Variants in COL4A1 observed in about 807,000 individuals in gnomAD.
COL4A1 encodes the protein collagen alpha-1(IV) chain.
A neutral mutation model predicts 216.6 loss-of-function variants in COL4A1; 40 were observed. That is an observed-to-expected ratio of 0.18 (90% confidence interval 0.14 to 0.24). COL4A1 has a LOEUF of 0.24. Ranked by LOEUF, COL4A1 falls within the 10% of genes least tolerant of loss-of-function variation. The probability of loss-of-function intolerance (pLI) is 1.00; values close to 1 mark genes in which losing one functional copy is unlikely to be tolerated. For synonymous variants in COL4A1, 839 were observed against 810.7 expected (o/e 1.03, Z -0.59); for missense variants, 1,628 against 2,196.8 (o/e 0.74, Z 5.18).
rs558581058 is a variant in COL4A1 at position 110,212,033 on chromosome 13, T to G, written c.388-111A>C. 12 of 1,172,196 alleles carry G rather than the reference T, an allele frequency of 1.0e-5. No individual in the cohort carries two copies. In the East Asian group the frequency reaches 1.9e-4, roughly 18 times the overall value. The allele number at this position is 1,172,196 out of a possible 1,614,324, so 72.6% of individuals were successfully genotyped here. A position where few individuals can be genotyped will look rare whatever the true frequency, so the allele number is the denominator to read the frequency against. ...CCTTCATTTGTTGGTTAAAATCATTTCCTAAAAACAGTTTGTCACAAGCTG... is the reference window on the plus strand; with the variant it reads ...CCTTCATTTGTTGGTTAAAATCATTGCCTAAAAACAGTTTGTCACAAGCTG... On this transcript the variant is annotated intron_variant, in intron 6 of 51. Transcript: ENST00000375820.
chr13:110,244,440 T>C (rs942672693), intron 1 of COL4A1, among the ~76,000 whole-genome samples: 2 of 152,194 alleles, frequency 1.3e-5, no homozygotes, highest in African/African-American at 4.8e-5. Flanking sequence ...AATCAATCCA[T>C]GTGCACAGAT....
At chr13:110,218,546 T>C (rs1443746918) in intron 2 of COL4A1, among the ~76,000 whole-genome samples, 2 of 152,220 alleles carry the variant, frequency 1.3e-5, no homozygotes. Context: ...TTCATGGTGT[T>C]TGAATTCAAT....
chr13:110,302,206 T>C (rs931419577), intron 1 of COL4A1, among the ~76,000 whole-genome samples: 2 of 152,180 alleles, frequency 1.3e-5, no homozygotes, highest in Admixed American at 6.5e-5. Flanking sequence ...TCATAGTCTC[T>C]GGGCTCTGTA....
At chr13:110,212,183 T>G (rs1566378569) in intron 6 of COL4A1, among the ~76,000 whole-genome samples, 1 of 152,254 alleles carries the variant, frequency 6.6e-6, no homozygotes, top group African/African-American at 2.4e-5. Flanking sequence ...ACTTTCGTGC[T>G]TAAATGCAAT....
intron 1 of COL4A1, among the ~76,000 whole-genome samples, chr13:110,300,131 T>C (rs1337726924): frequency 6.6e-6 from 1 of 152,240 alleles, no homozygotes; most frequent in East Asian, 1.9e-4. Flanking sequence ...ATTAATATTG[T>C]TTATTTAATA....
chr13:110,291,519 G>T (rs1884088153), intron 1 of COL4A1, among the ~76,000 whole-genome samples: 3 of 152,126 alleles, frequency 2.0e-5, no homozygotes, highest in Non-Finnish European at 4.4e-5. Flanking sequence ...CTCTCCCATC[G>T]CCTTCTCAGC....
chr13:110,188,039 C>T (rs765777498), intron 24 of COL4A1, among the ~76,000 whole-genome samples: 5 of 152,210 alleles, frequency 3.3e-5, no homozygotes, highest in African/African-American at 7.2e-5. Context: ...CACACTAGAA[C>T]GTTGCTCAGT....
At chr13:110,254,737 T>G (rs1046277770) in intron 1 of COL4A1, among the ~76,000 whole-genome samples, 3 of 152,198 alleles carry the variant, frequency 2.0e-5, no homozygotes, top group Non-Finnish European at 4.4e-5. Context: ...AGATTTGGAA[T>G]GTAACCCAAA....
Position 110,187,252 on chromosome 13 carries a change from C to A in COL4A1, c.1614G>T (p.Arg538=), listed in dbSNP as rs1366055813. ...CTGGGTCTCCTTTGTCACCTTTGAG[C>A]CGCAAGTCGAAATAAAACTCACCAG... ...GEPGEFYFDL[R]LKGDKGDPGF... Residue 538 remains arginine, a synonymous_variant, in exon 25 of 52, where the codon CGG becomes CGT. Transcript: ENST00000375820. 2 of 1,613,724 alleles carry A rather than the reference C, an allele frequency of 1.2e-6. No individual in the cohort carries two copies. The highest frequency in any genetic ancestry group is 1.7e-6 in the Non-Finnish European group (2 of 1,179,918).
chr13:110,244,722 C>T (rs1291731045), intron 1 of COL4A1, among the ~76,000 whole-genome samples: 1 of 152,138 alleles, frequency 6.6e-6, no homozygotes, highest in Non-Finnish European at 1.5e-5. Context: ...TGTGTCTCCC[C>T]GGTACACCCT....
chr13:110,235,607 T>C (rs766934778), intron 2 of COL4A1, among the ~76,000 whole-genome samples: 26 of 143,994 alleles, frequency 1.8e-4, no homozygotes, highest in Non-Finnish European at 3.1e-4. Flanking sequence ...TGCAGTGAGC[T>C]GAGATGACGC....
In COL4A1 at chr13:110,162,316, T is replaced by A. The variant is rs1266161557; in HGVS notation, c.4376A>T (p.Gln1459Leu). ...TRHSQTIDDP[Q>L]CPSGTKILYH... ...AAGAATTTTGGTCCCAGAAGGACAC[T>A]GTGGGTCATCTATTGTTTGACTATG... Residue 1459 changes from glutamine to leucine, a missense_variant, in exon 48 of 52, where the codon CAG becomes CTG. Coordinates refer to ENST00000375820, the MANE Select transcript of COL4A1 (RefSeq NM_001845.6). 1.9e-6 allele frequency: 3 copies of A among 1,614,224 alleles called. No homozygotes were observed. The highest frequency in any genetic ancestry group is 2.5e-6 in the Non-Finnish European group (3 of 1,180,020).
intron 2 of COL4A1, among the ~76,000 whole-genome samples, chr13:110,222,446 T>C (rs989804030): frequency 2.6e-5 from 4 of 151,978 alleles, no homozygotes; most frequent in Non-Finnish European, 5.9e-5. Flanking sequence ...TTCCCCCAAA[T>C]AAACTAAACC....
intron 1 of COL4A1, among the ~76,000 whole-genome samples, chr13:110,282,511 A>G (rs748832652): frequency 1.3e-5 from 2 of 152,144 alleles, no homozygotes; most frequent in Non-Finnish European, 2.9e-5. Context: ...CACATCCTTT[A>G]GATTAGCAAT....
intron 1 of COL4A1, among the ~76,000 whole-genome samples, chr13:110,261,387 T>G (rs1384936874): frequency 6.6e-6 from 1 of 152,226 alleles, no homozygotes; most frequent in Non-Finnish European, 1.5e-5. Flanking sequence ...ACCTCTCGGA[T>G]TTGGGAGCCT....
chr13:110,282,717 T>G (rs1883682735), intron 1 of COL4A1, among the ~76,000 whole-genome samples: 2 of 152,232 alleles, frequency 1.3e-5, no homozygotes. Context: ...CTGAATGGCA[T>G]CCCTGCTGTG....
chr13:110,302,369 C>T (rs1884529515), intron 1 of COL4A1, among the ~76,000 whole-genome samples: 3 of 152,262 alleles, frequency 2.0e-5, no homozygotes, highest in South Asian at 2.1e-4. Flanking sequence ...AATGTGAAGA[C>T]GTTGAACTGG....
intron 1 of COL4A1, among the ~76,000 whole-genome samples, chr13:110,302,832 C>T (rs575312634): frequency 6.6e-6 from 1 of 152,294 alleles, no homozygotes; most frequent in South Asian, 2.1e-4. Flanking sequence ...AAGAACAATG[C>T]TCTAACATTA....
rs1468115114 is a variant in COL4A1 at position 110,227,415 on chromosome 13, C to CAT, written c.145-13401_145-13400insAT. On this transcript the variant is annotated intron_variant, in intron 2 of 51. Coordinates refer to ENST00000375820, the MANE Select transcript of COL4A1 (RefSeq NM_001845.6). ...ACACACACACACACACACACACACA[C>CAT]ACACACACACAAACACACACAAACA... Among the ~76,000 whole-genome samples the CAT allele has an allele frequency of 2.7e-5, 4 of 146,404 alleles. No individual in the cohort carries two copies. The South Asian group carries it at 6.6e-4, about 24-fold the overall frequency.
Sources: allele counts gnomAD v4.1 joint callset (sites outside exome capture counted in the v4.1 genomes callset), GRCh38; gene constraint gnomAD v4.1.1; transcripts MANE v1.5; gene names NCBI Gene and HGNC (gene_info 2026-07-23, HGNC 2026-07-21).